TFCP2L1: variants seen among roughly 807,000 people sequenced by gnomAD.
TFCP2L1 encodes transcription factor CP2 like 1.
Under a neutral mutation model 72.2 loss-of-function variants are expected in TFCP2L1, and 12 were observed. The observed-to-expected ratio is 0.17, with a 90% CI of 0.11 to 0.27. The LOEUF (loss-of-function observed/expected upper bound fraction) is 0.27. Ranked by LOEUF, TFCP2L1 falls within the 10% of genes least tolerant of loss-of-function variation. The pLI is 1.00. For synonymous variants in TFCP2L1, 260 were observed against 251.0 expected (o/e 1.04, Z -0.34); for missense variants, 488 against 624.6 (o/e 0.78, Z 2.33).
At chr2:121,246,784 G>A in intron 6 of TFCP2L1, 34 bp downstream of exon 6, 1 of 1,612,530 alleles carries the variant, frequency 6.2e-7, no homozygotes, top group Non-Finnish European at 8.5e-7. Context: ...CAGGCCAGCA[G>A]CAGGGCACGG....
At chr2:121,243,470 G>T (rs573510703) in intron 6 of TFCP2L1, among the ~76,000 whole-genome samples, 9 of 152,270 alleles carry the variant, frequency 5.9e-5, no homozygotes, top group Admixed American at 3.9e-4. Flanking sequence ...TAGGAACTGG[G>T]CCCCACAACA....
chr2:121,239,400 A>C (rs60243991), intron 8 of TFCP2L1, among the ~76,000 whole-genome samples, 158 bp downstream of exon 8: 12,873 of 152,184 alleles, frequency 0.085, 975 homozygotes, highest in African/African-American at 0.19. Flanking sequence ...CTGAGCACTA[A>C]AAGTTGTGTA....
rs1251848109 is a variant in TFCP2L1 at position 121,217,790 on chromosome 2, C to A, written c.*6551G>T. On this transcript the variant is annotated 3_prime_UTR_variant, in exon 15 of 15. Transcript: ENST00000263707. ...GAGGGACCTGGCCAGGGGATGCAGACCAAAGGCCCAGCGGGTCCCCAGGAA... is the reference window on the plus strand; with the variant it reads ...GAGGGACCTGGCCAGGGGATGCAGAACAAAGGCCCAGCGGGTCCCCAGGAA... 1 of 152,464 alleles carries A rather than the reference C, an allele frequency of 6.6e-6. No individual in the cohort carries two copies. The highest frequency in any genetic ancestry group is 1.5e-5 in the Non-Finnish European group (1 of 68,162). The allele number at this position is 152,464 out of a possible 1,614,324, so 9.4% of individuals were successfully genotyped here.
At chr2:121,282,459 C>A in intron 1 of TFCP2L1, among the ~76,000 whole-genome samples, 1 of 150,138 alleles carries the variant, frequency 6.7e-6, no homozygotes, top group African/African-American at 2.5e-5. Flanking sequence ...GGTGAGAAGA[C>A]TGCTTGAAGC....
rs1686324196 is a variant in TFCP2L1, at chr2:121,239,647, G to A, written c.771C>T (p.Cys257=). 6.2e-7 allele frequency: 1 copy of A among 1,613,978 alleles called. No individual in the cohort carries two copies. The change falls in exon 8 of 15, where the codon TGC becomes TGT. Residue 257 remains cysteine, a splice_region_variant and synonymous_variant. Transcript: ENST00000263707. ...GGTAGGCCACGTCGGGCCATGGAGA[G>A]CACTGCAGGAGAGAGCACAGGGCGA... is the stretch of plus-strand genomic sequence containing the variant. ...PSYETTILTE[C]SPWPDVAYQV... is the part of the protein sequence containing the mutation.
chr2:121,247,196 T>C (rs946334040), intron 5 of TFCP2L1, among the ~76,000 whole-genome samples: 12 of 152,112 alleles, frequency 7.9e-5, no homozygotes, highest in African/African-American at 2.9e-4. Flanking sequence ...CTCTTTACTG[T>C]GGAGGCCCTG....
chr2:121,225,613 T>C lies in TFCP2L1; in HGVS notation c.1342A>G (p.Met448Val). 1 of 1,614,114 alleles carries C rather than the reference T, an allele frequency of 6.2e-7. No homozygotes were observed. Among genetic ancestry groups the C allele is most frequent in the Non-Finnish European group, 8.5e-7 (1 of 1,179,992 alleles). The change falls in exon 14 of 15, where the codon ATG becomes GTG. Residue 448 changes from methionine to valine, a missense_variant and splice_region_variant. Coordinates refer to ENST00000263707, the MANE Select transcript of TFCP2L1 (RefSeq NM_014553.3). The stretch of plus-strand genomic sequence containing the variant: ...GATTCATCTTGGAAGTTCTGCACCA[T>C]CTGAGAGACAAAAGAGAGAACATGT... ...TGIHVVVSNE[M>V]VQNFQDESCF...
Position 121,237,844 on chromosome 2 carries a change from G to C in TFCP2L1, c.867C>G (p.Ala289=), listed in dbSNP as rs1359460433. The C allele has an allele frequency of 6.2e-7, 1 of 1,614,108 alleles. No individual in the cohort carries two copies. Among genetic ancestry groups the C allele is most frequent in the Non-Finnish European group, 8.5e-7 (1 of 1,180,012 alleles). The change falls in exon 9 of 15, where the codon GCC becomes GCG. Residue 289 remains alanine (A), a synonymous_variant. Coordinates refer to ENST00000263707, the MANE Select transcript of TFCP2L1 (RefSeq NM_014553.3). ...GGGCCTCCACCGGGTGGGTCGGAGA[G>C]GCGTTGCTGCAAGGAAAAGGAACCA... ...PNSFGLGEGN[A]SPTHPVEALP... is the part of the protein sequence containing the mutation.
chr2:121,253,242 T>C (rs1466419646), intron 2 of TFCP2L1, among the ~76,000 whole-genome samples: 1 of 152,216 alleles, frequency 6.6e-6, no homozygotes, highest in African/African-American at 2.4e-5. Context: ...CAAACCCCAG[T>C]GCTGCTCATG....
chr2:121,222,725 T>C lies in TFCP2L1; in HGVS notation c.*1616A>G, dbSNP rs1484289532. 2 of 152,182 alleles carry C rather than the reference T, an allele frequency of 1.3e-5. No individual in the cohort carries two copies. Among genetic ancestry groups the C allele is most frequent in the East Asian group, 3.8e-4 (2 of 5,204 alleles). 9.4% of individuals were successfully genotyped at this position (152,182 alleles called of 1,614,324 possible). ...CCAACGTTGACTGTAATTCTGTGAA[T>C]TGATGGTGGTTCTGTGAATACAATT... On this transcript the variant is annotated 3_prime_UTR_variant, in exon 15 of 15. Transcript: ENST00000263707.
rs758791446 is a variant in TFCP2L1 at position 121,281,149 on chromosome 2, T to C, written c.185A>G (p.His62Arg). 1.2e-6 allele frequency: 2 copies of C among 1,613,880 alleles called. No homozygotes were observed. Among genetic ancestry groups the C allele is most frequent in the East Asian group, 2.2e-5 (1 of 44,850 alleles). ...GTTGAGGTAGGTCAGCGTCTCTTCATGCAGCTTCACGGCTGGGGACGTGGC... is the reference window on the plus strand; with the variant it reads ...GTTGAGGTAGGTCAGCGTCTCTTCACGCAGCTTCACGGCTGGGGACGTGGC... ...CAATSPAVKLHEETLTYLNQG... is the reference protein window; with the variant it reads ...CAATSPAVKLREETLTYLNQG... The change falls in exon 2 of 15, where the codon CAT becomes CGT. Residue 62 changes from histidine to arginine, a missense_variant. This residue lies in a region of TFCP2L1 where 129 missense variants were observed against 236.0 expected (regional missense o/e 0.55). Transcript: ENST00000263707.
rs1558727231 is a variant in TFCP2L1, at chr2:121,231,901, G to A, written c.1266C>T (p.Tyr422=). ...GGTGGATGTGCTGGGGGGAGATGCTGTACAGGTTGGCGATCTTCTCAATCA... is the reference window on the plus strand; with the variant it reads ...GGTGGATGTGCTGGGGGGAGATGCTATACAGGTTGGCGATCTTCTCAATCA... ...LELIEKIANL[Y]SISPQHIHRV... The change falls in exon 13 of 15, where the codon TAC becomes TAT. Residue 422 remains tyrosine (Y), a synonymous_variant. Coordinates refer to ENST00000263707, the MANE Select transcript of TFCP2L1 (RefSeq NM_014553.3). 2 of 1,613,584 alleles carry A rather than the reference G, an allele frequency of 1.2e-6. No individual in the cohort carries two copies. Among genetic ancestry groups the A allele is most frequent in the Non-Finnish European group, 8.5e-7 (1 of 1,179,720 alleles).
rs1372799965 is a variant in TFCP2L1 at position 121,219,753 on chromosome 2, G to A, written c.*4588C>T. 6.6e-6 allele frequency: 1 copy of A among 152,216 alleles called. No homozygotes were observed. The highest frequency in any genetic ancestry group is 2.4e-5 in the African/African-American group (1 of 41,452). 9.4% of individuals were successfully genotyped at this position (152,216 alleles called of 1,614,324 possible). Reference sequence around the variant, plus strand: ...CCCAAAATGCTAGGATTAGAGGCATGGGCCACCACGTCCAGCTTTTTGTAC... The same window carrying A: ...CCCAAAATGCTAGGATTAGAGGCATAGGCCACCACGTCCAGCTTTTTGTAC... On this transcript the variant is annotated 3_prime_UTR_variant, in exon 15 of 15. Coordinates refer to ENST00000263707, the MANE Select transcript of TFCP2L1 (RefSeq NM_014553.3).
Position 121,221,691 on chromosome 2 carries a change from AG to A in TFCP2L1, c.*2649del, listed in dbSNP as rs1357980615. The A allele has an allele frequency of 5.9e-5, 9 of 152,250 alleles. No individual in the cohort carries two copies. The highest frequency in any genetic ancestry group is 4.6e-4 in the Admixed American group (7 of 15,288). 9.4% of individuals were successfully genotyped at this position (152,250 alleles called of 1,614,324 possible). A position where few individuals can be genotyped will look rare whatever the true frequency, so the allele number is the denominator to read the frequency against. On this transcript the variant is annotated 3_prime_UTR_variant, in exon 15 of 15. Coordinates refer to ENST00000263707, the MANE Select transcript of TFCP2L1 (RefSeq NM_014553.3). Reference sequence around the variant, plus strand: ...GCATTAATCTTCTTGACCTTGGATTAGGCAATGGTTTTCTAGATATGGCACC... The same window carrying A: ...GCATTAATCTTCTTGACCTTGGATTAGCAATGGTTTTCTAGATATGGCACC...
At chr2:121,271,902 G>T (rs946884776) in intron 2 of TFCP2L1, among the ~76,000 whole-genome samples, 1 of 152,186 alleles carries the variant, frequency 6.6e-6, no homozygotes, top group East Asian at 1.9e-4. Context: ...AGGGTTGGGG[G>T]TAGGGTAGGA....
intron 2 of TFCP2L1, among the ~76,000 whole-genome samples, chr2:121,270,316 G>A (rs1687020492): frequency 3.3e-5 from 5 of 152,208 alleles, no homozygotes; most frequent in Admixed American, 3.3e-4. Flanking sequence ...TATATTTCAT[G>A]TGTGGCAGAG....
At chr2:121,282,319 T>TAAAAAAAAAAAAAAAAAA (rs539101704) in intron 1 of TFCP2L1, among the ~76,000 whole-genome samples, 1 of 86,256 alleles carries the variant, frequency 1.2e-5, no homozygotes, top group Non-Finnish European at 2.2e-5. Flanking sequence ...CTCTCCACAT[T>TAAAAAAAAAAAAAAAAAA]AAAAAAAAAA....
At chr2:121,254,465 G>C (rs1285771363) in intron 2 of TFCP2L1, among the ~76,000 whole-genome samples, 2 of 152,150 alleles carry the variant, frequency 1.3e-5, no homozygotes, top group Non-Finnish European at 2.9e-5. Flanking sequence ...CAGGATTTCT[G>C]TAATTCAGGG....
Position 121,237,622 on chromosome 2 carries a change from C to T in TFCP2L1, c.1003+1G>A. 1 of 1,614,120 alleles carries T rather than the reference C, an allele frequency of 6.2e-7. No individual in the cohort carries two copies. The highest frequency in any genetic ancestry group is 8.5e-7 in the Non-Finnish European group (1 of 1,180,028). On this transcript the variant is annotated splice_donor_variant, in intron 10 of 14. Coordinates refer to ENST00000263707, the MANE Select transcript of TFCP2L1 (RefSeq NM_014553.3). LOFTEE classifies it high-confidence loss of function. ...TTTAAACACAGTTCGGAGATGCTCA[C>T]CTGAGAAGCTGGCAAAGAGCCGGCA...
Sources: allele counts gnomAD v4.1 joint callset (sites outside exome capture counted in the v4.1 genomes callset), GRCh38; gene constraint gnomAD v4.1.1; regional missense constraint gnomAD v4.1.1; transcripts MANE v1.5; gene names NCBI Gene and HGNC (gene_info 2026-07-23, HGNC 2026-07-21).